The following OR2T12 variants were observed in gnomAD, a reference collection of about 807,000 sequenced individuals.
OR2T12 encodes the protein olfactory receptor 2T12.
For missense variants in OR2T12, 335 were observed against 404.3 expected (o/e 0.83, Z 1.47); for synonymous variants, 127 against 160.5 (o/e 0.79, Z 1.58).
At position 248,295,150 on chromosome 1, in the gene OR2T12, G is replaced by T. The variant is rs1290964956; in HGVS notation, c.429C>A (p.Thr143=). The T allele has an allele frequency of 1.2e-6, 2 of 1,607,594 alleles. No homozygotes were observed. The highest frequency in any genetic ancestry group is 2.2e-5 in the East Asian group (1 of 44,848). Residue 143 remains threonine, a synonymous_variant, in exon 3 of 3, where the codon ACC becomes ACA. Coordinates refer to ENST00000641276, the MANE Select transcript of OR2T12 (RefSeq NM_001004692.2). ...CTGCACCCAGGAGCCAGGACGACATGGTCATCCTCAGGCACAGCTGCCAGC... is the reference window on the plus strand; with the variant it reads ...CTGCACCCAGGAGCCAGGACGACATTGTCATCCTCAGGCACAGCTGCCAGC... ...LMSWQLCLRM[T]MSSWLLGAAD...
chr1:248,299,343 C>A (rs570820145), intron 2 of OR2T12, among the ~76,000 whole-genome samples: 1 of 152,156 alleles, frequency 6.6e-6, no homozygotes, highest in Admixed American at 6.5e-5. Flanking sequence ...GGAGGAAGAT[C>A]TACCAAGCAA....
At chr1:248,298,992 T>C (rs1659775161) in intron 2 of OR2T12, among the ~76,000 whole-genome samples, 1 of 152,066 alleles carries the variant, frequency 6.6e-6, no homozygotes. Flanking sequence ...TGCTGACAGA[T>C]TTTGTCACCA....
chr1:248,299,533 A>T (rs1016385806), intron 2 of OR2T12, among the ~76,000 whole-genome samples: 1 of 152,142 alleles, frequency 6.6e-6, no homozygotes, highest in African/African-American at 2.4e-5. Context: ...CAGATTCATA[A>T]AGCAAATCCT....
In OR2T12 at chr1:248,293,020, A is replaced by G. The variant is rs1474389425; in HGVS notation, c.*1596T>C. The G allele has an allele frequency of 3.3e-5, 5 of 152,018 alleles. No individual in the cohort carries two copies. Among genetic ancestry groups the G allele is most frequent in the African/African-American group, 1.2e-4 (5 of 41,422 alleles). The allele number at this position is 152,018 out of a possible 1,614,324, so 9.4% of individuals were successfully genotyped here. ...ATTTGTGCAGTTCTGTTCCTTTCTC[A>G]CTCTAACACTGGGTAAGGAGATTAA... On this transcript the variant is annotated 3_prime_UTR_variant, in exon 3 of 3. Transcript: ENST00000641276.
chr1:248,290,995 T>C lies in OR2T12; in HGVS notation c.*3621A>G, dbSNP rs1252830152. ...CTGTTCATATACTTTGCCCACTTTT[T>C]GATGGGGTTGTTTTTTTTTTCTTAT... On this transcript the variant is annotated 3_prime_UTR_variant, in exon 3 of 3. Coordinates refer to ENST00000641276, the MANE Select transcript of OR2T12 (RefSeq NM_001004692.2). 1 of 120,330 alleles carries C rather than the reference T, an allele frequency of 8.3e-6. No homozygotes were observed. Among genetic ancestry groups the C allele is most frequent in the East Asian group, 2.3e-4 (1 of 4,380 alleles). 7.5% of individuals were successfully genotyped at this position (120,330 alleles called of 1,614,324 possible).
intron 1 of OR2T12, among the ~76,000 whole-genome samples, chr1:248,302,355 G>A (rs1424838288): frequency 1.3e-5 from 2 of 152,042 alleles, no homozygotes; most frequent in Non-Finnish European, 2.9e-5. Flanking sequence ...ATGACTTCAT[G>A]AATCCTATTA....
At chr1:248,299,569 T>A (rs1659784072) in intron 2 of OR2T12, among the ~76,000 whole-genome samples, 1 of 151,920 alleles carries the variant, frequency 6.6e-6, no homozygotes, top group African/African-American at 2.4e-5. Context: ...AGACTTAGAC[T>A]CCCACACAAT....
rs1296122547 is a variant in OR2T12, at chr1:248,292,095, A to G, written c.*2521T>C. ...GACAAATGGGATATAATTAAACTAA[A>G]TAGCTTCTGCACAGCAGAAGATGAA... is the stretch of plus-strand genomic sequence containing the variant. On this transcript the variant is annotated 3_prime_UTR_variant, in exon 3 of 3. Coordinates refer to ENST00000641276, the MANE Select transcript of OR2T12 (RefSeq NM_001004692.2). 6.6e-6 allele frequency: 1 copy of G among 152,186 alleles called. No individual in the cohort carries two copies. Among genetic ancestry groups the G allele is most frequent in the Non-Finnish European group, 1.5e-5 (1 of 68,002 alleles). The allele number at this position is 152,186 out of a possible 1,614,324, so 9.4% of individuals were successfully genotyped here.
Position 248,294,787 on chromosome 1 carries a change from C to A in OR2T12, c.792G>T (p.Arg264Ser), listed in dbSNP as rs757097103. 3.7e-6 allele frequency: 6 copies of A among 1,613,754 alleles called. No individual in the cohort carries two copies. The South Asian group carries it at 6.6e-5, about 18-fold the overall frequency. The part of the protein sequence containing the change: ...IFTYMRPKSH[R>S]STNHDKVVSA... ...ACACAACCTTATCGTGGTTAGTGGA[C>A]CTGTGGGATTTGGGTCTCATATAGG... is the stretch of plus-strand genomic sequence containing the variant. Residue 264 changes from arginine (R) to serine (S), a missense_variant, in exon 3 of 3, where the codon AGG becomes AGT. By Grantham distance (110) the Arg-to-Ser change is moderately radical. Transcript: ENST00000641276.
At chr1:248,295,929 G>A (rs12133669) in intron 2 of OR2T12, among the ~76,000 whole-genome samples, 23,587 of 151,754 alleles carry the variant, frequency 0.16, 2,496 homozygotes, top group East Asian at 0.37. Context: ...ATGTATACAT[G>A]TGACATGCTG....
rs147937206 is a variant in OR2T12 at position 248,294,641 on chromosome 1, T to G, written c.938A>C (p.Gln313Pro). Reference protein sequence around the residue: ...LGTCVNLKHQQNEAHRSR With the variant: ...LGTCVNLKHQPNEAHRSR ...TCATCTTGACCTGTGGGCCTCATTT[T>G]GCTGGTGTTTTAGGTTTACACACGT... is the stretch of plus-strand genomic sequence containing the variant. The change falls in exon 3 of 3, where the codon CAA becomes CCA. Residue 313 changes from glutamine to proline, a missense_variant. Physicochemically the swap from Gln to Pro is moderately conservative, Grantham distance 76. Coordinates refer to ENST00000641276, the MANE Select transcript of OR2T12 (RefSeq NM_001004692.2). 1.6e-5 allele frequency: 26 copies of G among 1,613,972 alleles called. No individual in the cohort carries two copies. Among genetic ancestry groups the G allele is most frequent in the Non-Finnish European group, 2.1e-5 (25 of 1,179,994 alleles).
chr1:248,297,332 T>A (rs1659745155), intron 2 of OR2T12, among the ~76,000 whole-genome samples: 1 of 152,164 alleles, frequency 6.6e-6, no homozygotes, highest in Non-Finnish European at 1.5e-5. Flanking sequence ...GACTTGGTGA[T>A]GTGGGCTCTT....
chr1:248,301,976 T>C (rs552834817), intron 1 of OR2T12, among the ~76,000 whole-genome samples: 52 of 150,702 alleles, frequency 3.5e-4, no homozygotes, highest in Non-Finnish European at 6.0e-4. Flanking sequence ...AAAATCTGGA[T>C]GAGAAATTGA....
rs1238208680 is a variant in OR2T12, at chr1:248,292,742, G to T, written c.*1874C>A. The T allele has an allele frequency of 6.6e-6, 1 of 150,394 alleles. No individual in the cohort carries two copies. The highest frequency in any genetic ancestry group is 1.5e-5 in the Non-Finnish European group (1 of 67,488). The allele number at this position is 150,394 out of a possible 1,614,324, so 9.3% of individuals were successfully genotyped here. ...TGTCTTACGTTTGCTTGGAGATAAT[G>T]TTCATTCCGTGGTTTTGTTGTTGTT... On this transcript the variant is annotated 3_prime_UTR_variant, in exon 3 of 3. Coordinates refer to ENST00000641276, the MANE Select transcript of OR2T12 (RefSeq NM_001004692.2).
At chr1:248,300,631 A>T (rs1659800605) in intron 2 of OR2T12, among the ~76,000 whole-genome samples, 1 of 152,108 alleles carries the variant, frequency 6.6e-6, no homozygotes. Flanking sequence ...ATCTCAACTT[A>T]CTTTATGGAA....
intron 1 of OR2T12, among the ~76,000 whole-genome samples, chr1:248,302,956 G>A (rs1442597337): frequency 6.6e-6 from 1 of 152,076 alleles, no homozygotes; most frequent in Non-Finnish European, 1.5e-5. Context: ...TTGGTTTAGG[G>A]ATTCTCATCC....
chr1:248,298,809 GATTC>G (rs1251762645), intron 2 of OR2T12, among the ~76,000 whole-genome samples: 1 of 151,324 alleles, frequency 6.6e-6, no homozygotes, highest in African/African-American at 2.4e-5. Context: ...CCAGCTCCTG[GATTC>G]ATTAATTTTT....
At chr1:248,299,728 A>G (rs1465490354) in intron 2 of OR2T12, among the ~76,000 whole-genome samples, 1 of 152,168 alleles carries the variant, frequency 6.6e-6, no homozygotes, top group Admixed American at 6.5e-5. Context: ...TCAACAGAAT[A>G]TACATTTTTT....
intron 2 of OR2T12, among the ~76,000 whole-genome samples, chr1:248,300,343 G>A (rs1472878442): frequency 6.6e-6 from 1 of 152,134 alleles, no homozygotes; most frequent in African/African-American, 2.4e-5. Flanking sequence ...ATCATGAAGA[G>A]AGAAACAGGT....
Sources: allele counts gnomAD v4.1 joint callset (sites outside exome capture counted in the v4.1 genomes callset), GRCh38; gene constraint gnomAD v4.1.1; transcripts MANE v1.5; gene names NCBI Gene and HGNC (gene_info 2026-07-23, HGNC 2026-07-21).